Variants in CCND2 observed in about 807,000 individuals in gnomAD.
The protein encoded by CCND2 is G1/S-specific cyclin-D2.
A neutral mutation model predicts 30.2 loss-of-function variants in CCND2; 6 were observed. The observed-to-expected ratio is 0.20, with a 90% CI of 0.11 to 0.39. CCND2 has a LOEUF of 0.39. CCND2 is among the 10% of genes least tolerant of loss of function. The pLI is 1.00. For missense variants in CCND2, 235 were observed against 373.4 expected (o/e 0.63, Z 3.06); for synonymous variants, 150 against 153.1 (o/e 0.98, Z 0.15).
Position 4,274,065 on chromosome 12 carries a change from G to C in CCND2, c.25G>C (p.Asp9His), listed in dbSNP as rs776260684. 1.2e-6 allele frequency: 2 copies of C among 1,612,482 alleles called. No homozygotes were observed. Among genetic ancestry groups the C allele is most frequent in the African/African-American group, 1.3e-5 (1 of 74,908 alleles). Residue 9 changes from aspartate (D) to histidine (H), a missense_variant, in exon 1 of 5, where the codon GAC becomes CAC. Asp to His is a moderately conservative substitution (Grantham distance 81, BLOSUM62 -1). This residue lies in a region of CCND2 where 178 missense variants were observed against 322.8 expected (regional missense o/e 0.55). Transcript: ENST00000261254. This position sits in a 1 kb window ranked among gnomAD's most constrained non-coding sequence, Gnocchi z 7.7. MELLCHEV[D>H]PVRRAVRDRN... ...CATGGAGCTGCTGTGCCACGAGGTGGACCCGGTCCGCAGGGCCGTGCGGGA... is the reference window on the plus strand; with the variant it reads ...CATGGAGCTGCTGTGCCACGAGGTGCACCCGGTCCGCAGGGCCGTGCGGGA...
chr12:4,292,455 G>A (rs1864113728), intron 4 of CCND2, among the ~76,000 whole-genome samples: 1 of 152,056 alleles, frequency 6.6e-6, no homozygotes, highest in African/African-American at 2.4e-5. Context: ...TGGGTTGTCG[G>A]GGATCGAGCT....
chr12:4,301,827 A>C lies in CCND2; in HGVS notation c.*1818A>C, dbSNP rs1864254061. The C allele has an allele frequency of 4.3e-6, 1 of 232,314 alleles. No homozygotes were observed. Among genetic ancestry groups the C allele is most frequent in the East Asian group, 6.1e-5 (1 of 16,406 alleles). The allele number at this position is 232,314 out of a possible 1,614,324, so 14.4% of individuals were successfully genotyped here. On this transcript the variant is annotated 3_prime_UTR_variant, in exon 5 of 5. Transcript: ENST00000261254. ...ATATTATTTTACTGCTTAAATTCCA[A>C]GTCCTGAAGTAGATGGTTGAGATAT... is the stretch of plus-strand genomic sequence containing the variant.
chr12:4,277,015 C>T (rs1272165903), intron 2 of CCND2, among the ~76,000 whole-genome samples: 1 of 152,268 alleles, frequency 6.6e-6, no homozygotes, highest in Non-Finnish European at 1.5e-5. Context: ...TCCCGCCCCT[C>T]CCCCTCCTCA....
In CCND2 at chr12:4,276,771, C is replaced by T. The variant is rs1863879595; in HGVS notation, c.411+551C>T. ...GGCCTTTCACTGAAGGAGTCCGAGG[C>T]CTGGGTTCCTACCTCCAGTGGGACT... is the stretch of plus-strand genomic sequence containing the variant. On this transcript the variant is annotated intron_variant, in intron 2 of 4. Transcript: ENST00000261254. This position sits in a 1 kb window ranked among gnomAD's most constrained non-coding sequence, Gnocchi z 4.8. 6.6e-6 allele frequency among the ~76,000 whole-genome samples: 1 copy of T among 152,188 alleles called. No homozygotes were observed. Among genetic ancestry groups the T allele is most frequent in the Non-Finnish European group, 1.5e-5 (1 of 68,038 alleles).
intron 4 of CCND2, among the ~76,000 whole-genome samples, chr12:4,292,274 T>C (rs966951117): frequency 6.6e-6 from 1 of 152,050 alleles, no homozygotes; most frequent in African/African-American, 2.4e-5. Context: ...AAAAGTGAAA[T>C]ACACAGGACC....
chr12:4,291,840 C>T lies in CCND2; in HGVS notation c.720+2850C>T, dbSNP rs141592733. ...CTTGAAAATACTATGTTAAGTGAAA[C>T]GAGCCAGACACAAAAAGACAAATAC... On this transcript the variant is annotated intron_variant, in intron 4 of 4. Transcript: ENST00000261254. 3.1e-3 allele frequency among the ~76,000 whole-genome samples: 470 copies of T among 152,206 alleles called. 2 individuals carry two copies. Among genetic ancestry groups the T allele is most frequent in the African/African-American group, 0.011 (451 of 41,526 alleles).
At chr12:4,279,746 C>T (rs1380102057) in intron 3 of CCND2, among the ~76,000 whole-genome samples, 1 of 150,508 alleles carries the variant, frequency 6.6e-6, no homozygotes, top group Non-Finnish European at 1.5e-5. Flanking sequence ...TTGGTAGTGG[C>T]CATGGCAGAG....
At position 4,304,592 on chromosome 12, in the gene CCND2, T is replaced by C. The variant is rs1051450031; in HGVS notation, c.*4583T>C. ...TCATTTCAGGCACAACGATACTACA[T>C]TCGTGTGTGTCTGCTTTTAAACTTG... is the stretch of plus-strand genomic sequence containing the variant. On this transcript the variant is annotated 3_prime_UTR_variant, in exon 5 of 5. Coordinates refer to ENST00000261254, the MANE Select transcript of CCND2 (RefSeq NM_001759.4). The surrounding 1 kb of genome is among the most constrained non-coding windows in gnomAD (Gnocchi z 6.2). 3.9e-5 allele frequency: 9 copies of C among 233,572 alleles called. No individual in the cohort carries two copies. The highest frequency in any genetic ancestry group is 2.0e-4 in the African/African-American group (9 of 45,362). 14.5% of individuals were successfully genotyped at this position (233,572 alleles called of 1,614,324 possible). A position where few individuals can be genotyped will look rare whatever the true frequency, so the allele number is the denominator to read the frequency against.
In CCND2 at chr12:4,288,969, T is replaced by G. The variant is rs915300093; in HGVS notation, c.699T>G (p.Ala233=). The G allele has an allele frequency of 2.5e-6, 4 of 1,613,220 alleles. No homozygotes were observed. Among genetic ancestry groups the G allele is most frequent in the Non-Finnish European group, 3.4e-6 (4 of 1,179,660 alleles). Residue 233 remains alanine (A), a synonymous_variant, in exon 4 of 5, where the codon GCT becomes GCG. Transcript: ENST00000261254. ...GTGATGCCCTGACTGAGCTGCTGGC[T>G]AAGATCACCAACACAGACGTGGTAG... The part of the protein sequence containing the change: ...LTCDALTELL[A]KITNTDVDCL...
At chr12:4,288,726 G>A (rs1043025306) in intron 3 of CCND2, 116 bp from the exon 4 acceptor site, 29 of 923,810 alleles carry the variant, frequency 3.1e-5, no homozygotes, top group Non-Finnish European at 3.5e-5. Context: ...TGTAGGGCAC[G>A]GGGTCACTCG....
At position 4,276,236 on chromosome 12, in the gene CCND2, T is replaced by C; in HGVS notation, c.411+16T>C. On this transcript the variant is annotated intron_variant, in intron 2 of 4. Coordinates refer to ENST00000261254, the MANE Select transcript of CCND2 (RefSeq NM_001759.4). This position sits in a 1 kb window ranked among gnomAD's most constrained non-coding sequence, Gnocchi z 4.8. ...GGAGCTGCTGGTAATGACCGGCCCC[T>C]TCCTCCCTTCCTTTCTGCGATTCCC... 6.2e-7 allele frequency: 1 copy of C among 1,603,180 alleles called. No homozygotes were observed. The highest frequency in any genetic ancestry group is 8.5e-7 in the Non-Finnish European group (1 of 1,171,152).
At chr12:4,284,707 C>T (rs1247897324) in intron 3 of CCND2, among the ~76,000 whole-genome samples, 1 of 151,628 alleles carries the variant, frequency 6.6e-6, no homozygotes, top group Non-Finnish European at 1.5e-5. Flanking sequence ...CCTCTTCACT[C>T]AAGAGCCTCC....
rs1218136943 is a variant in CCND2 at position 4,302,825 on chromosome 12, G to A, written c.*2816G>A. The A allele has an allele frequency of 1.7e-5, 4 of 233,192 alleles. No homozygotes were observed. Among genetic ancestry groups the A allele is most frequent in the African/African-American group, 8.8e-5 (4 of 45,358 alleles). 14.4% of individuals were successfully genotyped at this position (233,192 alleles called of 1,614,324 possible). Reference sequence around the variant, plus strand: ...GGTTCAGGACTTTGTGAGTTAGCATGACCCTAAAATTCTAGGGGATTTCTG... The same window carrying A: ...GGTTCAGGACTTTGTGAGTTAGCATAACCCTAAAATTCTAGGGGATTTCTG... On this transcript the variant is annotated 3_prime_UTR_variant, in exon 5 of 5. Transcript: ENST00000261254.
In CCND2 at chr12:4,305,170, G is replaced by A. The variant is rs1413074386; in HGVS notation, c.*5161G>A. ...GGTTTTTAGGAAGTATGGCAAAAAT[G>A]TTGTATTGGCTATGATGGTGACATG... On this transcript the variant is annotated 3_prime_UTR_variant, in exon 5 of 5. Coordinates refer to ENST00000261254, the MANE Select transcript of CCND2 (RefSeq NM_001759.4). This position sits in a 1 kb window ranked among gnomAD's most constrained non-coding sequence, Gnocchi z 6.4. The A allele has an allele frequency of 4.3e-6, 1 of 233,370 alleles. No individual in the cohort carries two copies. Among genetic ancestry groups the A allele is most frequent in the Non-Finnish European group, 8.5e-6 (1 of 117,904 alleles). 14.5% of individuals were successfully genotyped at this position (233,370 alleles called of 1,614,324 possible). A position where few individuals can be genotyped will look rare whatever the true frequency, so the allele number is the denominator to read the frequency against.
chr12:4,283,578 G>T (rs535756454), intron 3 of CCND2, among the ~76,000 whole-genome samples: 1 of 152,316 alleles, frequency 6.6e-6, no homozygotes, highest in South Asian at 2.1e-4. Context: ...TGAAACAGAT[G>T]AATTTCAAGC....
rs1317415885 is a variant in CCND2, at chr12:4,293,047, A to C, written c.720+4057A>C. On this transcript the variant is annotated intron_variant, in intron 4 of 4. Transcript: ENST00000261254. The surrounding 1 kb of genome is among the most constrained non-coding windows in gnomAD (Gnocchi z 4.9). ...GAGAGGAAGGGAAGAGGAAGGAAGG[A>C]GCAAAGGACAAAGGCAGGCAGATGG... Among the ~76,000 whole-genome samples, 1 of 152,252 alleles carries C rather than the reference A, an allele frequency of 6.6e-6. No homozygotes were observed. The highest frequency in any genetic ancestry group is 1.9e-4 in the East Asian group (1 of 5,202).
Position 4,304,342 on chromosome 12 carries a change from G to A in CCND2, c.*4333G>A, listed in dbSNP as rs533931011. On this transcript the variant is annotated 3_prime_UTR_variant, in exon 5 of 5. Transcript: ENST00000261254. The surrounding 1 kb of genome is among the most constrained non-coding windows in gnomAD (Gnocchi z 6.2). Reference sequence around the variant, plus strand: ...TCCAACCTTGAGAATAGCTTTAAAAGGGAAATTAATGCTGAGATGATAAAG... The same window carrying A: ...TCCAACCTTGAGAATAGCTTTAAAAAGGAAATTAATGCTGAGATGATAAAG... 23 of 233,600 alleles carry A rather than the reference G, an allele frequency of 9.8e-5. 1 individual carries two copies. The highest frequency in any genetic ancestry group is 1.3e-3 in the Middle Eastern group (1 of 784). 14.5% of individuals were successfully genotyped at this position (233,600 alleles called of 1,614,324 possible).
At chr12:4,281,688 G>A (rs1591645831) in intron 3 of CCND2, among the ~76,000 whole-genome samples, 2 of 152,248 alleles carry the variant, frequency 1.3e-5, no homozygotes, top group African/African-American at 2.4e-5. Context: ...GGGAAAAGCT[G>A]GTTGTGAAAG....
rs1863956991 is a variant in CCND2 at position 4,282,146 on chromosome 12, T to C, written c.571+3227T>C. 6.6e-6 allele frequency among the ~76,000 whole-genome samples: 1 copy of C among 152,186 alleles called. No individual in the cohort carries two copies. The highest frequency in any genetic ancestry group is 2.1e-4 in the South Asian group (1 of 4,828). On this transcript the variant is annotated intron_variant, in intron 3 of 4. Coordinates refer to ENST00000261254, the MANE Select transcript of CCND2 (RefSeq NM_001759.4). This position sits in a 1 kb window ranked among gnomAD's most constrained non-coding sequence, Gnocchi z 4.3. ...TTCGCACTCTGGCACTGGGAGATTG[T>C]TGAGATGTGATACCATGCTCGGTGG...
Sources: allele counts gnomAD v4.1 joint callset (sites outside exome capture counted in the v4.1 genomes callset), GRCh38; gene constraint gnomAD v4.1.1; regional missense constraint gnomAD v4.1.1; non-coding constraint Gnocchi (gnomAD v3.1); transcripts MANE v1.5; gene names NCBI Gene and HGNC (gene_info 2026-07-23, HGNC 2026-07-21).